Variants in RPH3AL observed in about 807,000 individuals in gnomAD.
RPH3AL encodes the protein rab effector Noc2.
A neutral mutation model predicts 43.1 loss-of-function variants in RPH3AL; 38 were observed. The observed-to-expected ratio is 0.88, with a 90% CI of 0.68 to 1.15. The LOEUF is 1.15. Among genes scored for constraint, RPH3AL ranks in the 50% most tolerant of loss-of-function variants. The pLI is 0.00. For missense variants in RPH3AL, 462 were observed against 423.2 expected (o/e 1.09, Z -0.81); for synonymous variants, 189 against 176.3 (o/e 1.07, Z -0.57).
At chr17:214,042 T>G (rs948584422) in intron 9 of RPH3AL, 119 bp from the exon 10 acceptor site, 2 of 736,344 alleles carry the variant, frequency 2.7e-6, no homozygotes, top group African/African-American at 3.5e-5. Context: ...AGGCTTCTGC[T>G]GACAGCATCC....
intron 7 of RPH3AL, among the ~76,000 whole-genome samples, chr17:228,883 A>C (rs2041164281): frequency 6.6e-6 from 1 of 151,974 alleles, no homozygotes; most frequent in African/African-American, 2.4e-5. Flanking sequence ...TGTGGGAGAG[A>C]GCTCTAGTTC....
rs188310040 is a variant in RPH3AL, at chr17:314,286, G to C, written c.351+5134C>G. The stretch of plus-strand genomic sequence containing the variant: ...GCCTCTCCACAGGCCCCTATACCTG[G>C]AATATTCACAGCAGCTGTGGGGTTG... On this transcript the variant is annotated intron_variant, in intron 5 of 9. Coordinates refer to ENST00000331302, the MANE Select transcript of RPH3AL (RefSeq NM_006987.4). 4.3e-3 allele frequency among the ~76,000 whole-genome samples: 654 copies of C among 152,270 alleles called. 1 individual carries two copies. The highest frequency in any genetic ancestry group is 7.4e-3 in the Non-Finnish European group (503 of 68,010).
In RPH3AL at chr17:302,189, G is replaced by T. The variant is rs77307855; in HGVS notation, c.351+17231C>A. The stretch of plus-strand genomic sequence containing the variant: ...TGCGAGGCTGCAAGGCCTGGACTGA[G>T]CCCGAGCTGCCTGGGAGGAAACCGC... On this transcript the variant is annotated intron_variant, in intron 5 of 9. Transcript: ENST00000331302. Among the ~76,000 whole-genome samples the T allele has an allele frequency of 3.8e-3, 576 of 152,364 alleles. 5 individuals are homozygous for T. Among genetic ancestry groups the T allele is most frequent in the African/African-American group, 0.013 (556 of 41,596 alleles).
At chr17:271,391 A>G (rs1467447708) in intron 6 of RPH3AL, among the ~76,000 whole-genome samples, 1 of 152,172 alleles carries the variant, frequency 6.6e-6, no homozygotes, top group Non-Finnish European at 1.5e-5. Context: ...CACAATATTG[A>G]TTCTTCCTAT....
At chr17:214,060 AG>A (rs2040734053) in intron 9 of RPH3AL, 137 bp from the exon 10 acceptor site, 1 of 666,264 alleles carries the variant, frequency 1.5e-6, no homozygotes. Context: ...TCCGTGCCTC[AG>A]CCCGAGCTCG....
intron 7 of RPH3AL, among the ~76,000 whole-genome samples, chr17:243,041 A>T (rs79647586): frequency 0.49 from 30,084 of 61,132 alleles, 8,776 homozygotes; most frequent in East Asian, 0.7. Context: ...ATTGAATACC[A>T]TCCTCTATTG....
chr17:319,318 C>T lies in RPH3AL; in HGVS notation c.351+102G>A, dbSNP rs941551631. 147 of 1,392,648 alleles carry T rather than the reference C, an allele frequency of 1.1e-4. 1 individual carries two copies. Among genetic ancestry groups the T allele is most frequent in the East Asian group, 6.1e-4 (25 of 40,872 alleles). The allele number at this position is 1,392,648 out of a possible 1,614,324, so 86.3% of individuals were successfully genotyped here. A position where few individuals can be genotyped will look rare whatever the true frequency, so the allele number is the denominator to read the frequency against. On this transcript the variant is annotated intron_variant, in intron 5 of 9. Coordinates refer to ENST00000331302, the MANE Select transcript of RPH3AL (RefSeq NM_006987.4). ...GATGCAGAGGATACCACATGCCCAA[C>T]GCAGACATACACACTCCTGGGAGCC... is the stretch of plus-strand genomic sequence containing the variant.
Position 233,868 on chromosome 17 carries a change from G to A in RPH3AL, c.613+13243C>T, listed in dbSNP as rs374827117. Among the ~76,000 whole-genome samples, 139 of 109,374 alleles carry A rather than the reference G, an allele frequency of 1.3e-3. 1 individual carries two copies. Among genetic ancestry groups the A allele is most frequent in the African/African-American group, 4.1e-3 (123 of 29,876 alleles). 71.8% of individuals were successfully genotyped at this position (109,374 alleles called of 152,430 possible). On this transcript the variant is annotated intron_variant, in intron 7 of 9. Coordinates refer to ENST00000331302, the MANE Select transcript of RPH3AL (RefSeq NM_006987.4). Reference sequence around the variant, plus strand: ...TGACCAACTTCCCTGAGCAGGGAGCGGCTACTTCCCCTGACCAACTTTCCC... The same window carrying A: ...TGACCAACTTCCCTGAGCAGGGAGCAGCTACTTCCCCTGACCAACTTTCCC...
chr17:300,829 G>A (rs1339304774), intron 5 of RPH3AL, among the ~76,000 whole-genome samples: 2 of 147,866 alleles, frequency 1.4e-5, no homozygotes, highest in African/African-American at 2.6e-5. Context: ...CGCTCTAGCA[G>A]GGGCTGGCCC....
In RPH3AL at chr17:333,006, C is replaced by T. The variant is rs1165675599; in HGVS notation, c.-37+753G>A. ...TTCCTAGGGGACAGAGGCTCATCAG[C>T]CCCAGGCAACTTCCTGAGACAGATC... On this transcript the variant is annotated intron_variant, in intron 2 of 9. Coordinates refer to ENST00000331302, the MANE Select transcript of RPH3AL (RefSeq NM_006987.4). This position sits in a 1 kb window ranked among gnomAD's most constrained non-coding sequence, Gnocchi z 4.5. 2 of 1,286,048 alleles carry T rather than the reference C, an allele frequency of 1.6e-6. No individual in the cohort carries two copies. Among genetic ancestry groups the T allele is most frequent in the South Asian group, 2.5e-5 (2 of 80,928 alleles). 79.7% of individuals were successfully genotyped at this position (1,286,048 alleles called of 1,614,324 possible). A position where few individuals can be genotyped will look rare whatever the true frequency, so the allele number is the denominator to read the frequency against.
chr17:315,288 C>T (rs1555518917), intron 5 of RPH3AL, among the ~76,000 whole-genome samples: 14 of 78,244 alleles, frequency 1.8e-4, no homozygotes, highest in African/African-American at 3.2e-4. Context: ...GTCCCTGTGC[C>T]CCCACCTCCA....
At chr17:291,903 G>C (rs1209180699) in intron 5 of RPH3AL, among the ~76,000 whole-genome samples, 3 of 152,200 alleles carry the variant, frequency 2.0e-5, no homozygotes, top group African/African-American at 7.2e-5. Flanking sequence ...AATCTAGAAA[G>C]ATATCAGCCC....
intron 7 of RPH3AL, among the ~76,000 whole-genome samples, chr17:236,536 A>G (rs2151523078): frequency 8.0e-6 from 1 of 124,858 alleles, no homozygotes; most frequent in East Asian, 2.5e-4. Context: ...TATGGACGTG[A>G]GGTCCTGAGA....
In RPH3AL at chr17:215,432, G is replaced by GA. The variant is rs1351100649; in HGVS notation, c.876+221dup. Among the ~76,000 whole-genome samples, 1 of 152,218 alleles carries GA rather than the reference G, an allele frequency of 6.6e-6. No homozygotes were observed. Among genetic ancestry groups the GA allele is most frequent in the Non-Finnish European group, 1.5e-5 (1 of 68,036 alleles). ...GATGGTAACCACTGCTGTGATTACC[G>GA]AGAGTGGCTAGGGATGGCTACCATT... On this transcript the variant is annotated intron_variant, in intron 9 of 9. Coordinates refer to ENST00000331302, the MANE Select transcript of RPH3AL (RefSeq NM_006987.4). The surrounding 1 kb of genome is among the most constrained non-coding windows in gnomAD (Gnocchi z 4.1).
chr17:261,932 C>T (rs1310235780), intron 6 of RPH3AL: 8 of 151,906 alleles, frequency 5.3e-5, no homozygotes, highest in African/African-American at 1.2e-4. Context: ...AGGCTCCACA[C>T]GATAGATGGT....
rs892292226 is a variant in RPH3AL, at chr17:215,553, T to A, written c.876+101A>T. The stretch of plus-strand genomic sequence containing the variant: ...AGTGCTTGGTAAACAACATGCAGAA[T>A]TGAAAACGTCACCGACCAGTCTCCA... On this transcript the variant is annotated intron_variant, in intron 9 of 9. Coordinates refer to ENST00000331302, the MANE Select transcript of RPH3AL (RefSeq NM_006987.4). This position sits in a 1 kb window ranked among gnomAD's most constrained non-coding sequence, Gnocchi z 4.1. 4 of 1,091,080 alleles carry A rather than the reference T, an allele frequency of 3.7e-6. No homozygotes were observed. The Admixed American group carries it at 1.3e-4, about 34-fold the overall frequency. 67.6% of individuals were successfully genotyped at this position (1,091,080 alleles called of 1,614,324 possible). A position where few individuals can be genotyped will look rare whatever the true frequency, so the allele number is the denominator to read the frequency against.
intron 5 of RPH3AL, among the ~76,000 whole-genome samples, chr17:293,645 G>C (rs1010986562): frequency 6.6e-6 from 1 of 152,174 alleles, no homozygotes; most frequent in African/African-American, 2.4e-5. Context: ...GTGCAGCACC[G>C]GTGATGGGAG....
intron 7 of RPH3AL, among the ~76,000 whole-genome samples, chr17:227,752 C>T (rs1249283638): frequency 1.3e-5 from 2 of 152,158 alleles, no homozygotes; most frequent in African/African-American, 4.8e-5. Context: ...TTGTGAGCTA[C>T]GGCCACTCTG....
intron 6 of RPH3AL, chr17:261,880 G>A (rs1162383319): frequency 6.6e-6 from 1 of 152,162 alleles, no homozygotes; most frequent in Non-Finnish European, 1.5e-5. Flanking sequence ...CAGCGCTCAG[G>A]AACTACTCTG....
Sources: allele counts gnomAD v4.1 joint callset (sites outside exome capture counted in the v4.1 genomes callset), GRCh38; gene constraint gnomAD v4.1.1; non-coding constraint Gnocchi (gnomAD v3.1); transcripts MANE v1.5; gene names NCBI Gene and HGNC (gene_info 2026-07-23, HGNC 2026-07-21).